Variants in C12orf42 observed in about 807,000 individuals in gnomAD.
The protein encoded by C12orf42 is chromosome 12 open reading frame 42.
A neutral mutation model predicts 21.6 loss-of-function variants in C12orf42; 25 were observed. The ratio of observed to expected loss-of-function variants is 1.16; its 90% CI spans 0.84 to 1.62. C12orf42 has a LOEUF of 1.62. C12orf42 is among the 40% of genes most tolerant of loss of function. C12orf42 has a pLI of 0.00. For missense variants in C12orf42, 483 were observed against 459.3 expected (o/e 1.05, Z -0.47); for synonymous variants, 174 against 175.0 (o/e 0.99, Z 0.05).
chr12:103,332,820 C>T (rs961378072), intron 4 of C12orf42, among the ~76,000 whole-genome samples: 1 of 152,200 alleles, frequency 6.6e-6, no homozygotes, highest in African/African-American at 2.4e-5. Flanking sequence ...TCCAGTCCAC[C>T]AATGTCCTGC....
the C12orf42 span, among the ~76,000 whole-genome samples, chr12:103,211,726 T>C: frequency 6.6e-6 from 1 of 152,108 alleles, no homozygotes; most frequent in Non-Finnish European, 1.5e-5. Flanking sequence ...GCTAAATCAT[T>C]CCTAGATTCC....
At chr12:103,225,658 G>C in the C12orf42 span, among the ~76,000 whole-genome samples, 1 of 152,106 alleles carries the variant, frequency 6.6e-6, no homozygotes, top group Non-Finnish European at 1.5e-5. Context: ...GCCTAATAAG[G>C]GAACTGGGCA....
the C12orf42 span, among the ~76,000 whole-genome samples, chr12:103,217,077 A>C: frequency 6.6e-6 from 1 of 151,822 alleles, no homozygotes; most frequent in Admixed American, 6.6e-5. Flanking sequence ...TGCTGACCTC[A>C]AGTGATCTCC....
the C12orf42 span, among the ~76,000 whole-genome samples, chr12:103,134,577 A>G: frequency 6.6e-6 from 1 of 152,020 alleles, no homozygotes; most frequent in Non-Finnish European, 1.5e-5. Context: ...AAATAAAGAA[A>G]AAAGAATTAA....
At chr12:103,166,397 G>A in the C12orf42 span, among the ~76,000 whole-genome samples, 1 of 152,170 alleles carries the variant, frequency 6.6e-6, no homozygotes, top group African/African-American at 2.4e-5. Flanking sequence ...TCTCAAGAAT[G>A]AGACACTCTA....
intron 2 of C12orf42, among the ~76,000 whole-genome samples, chr12:103,474,452 GTA>G (rs771163443): frequency 1.5e-5 from 2 of 130,908 alleles, no homozygotes; most frequent in African/African-American, 3.2e-5. Flanking sequence ...ATGTATGTAT[GTA>G]TGTGTGTGTG....
the C12orf42 span, among the ~76,000 whole-genome samples, chr12:103,111,220 A>G: frequency 6.6e-6 from 1 of 152,150 alleles, no homozygotes; most frequent in Admixed American, 6.5e-5. Context: ...AAAAAAAAAC[A>G]CTTGTTCTCT....
chr12:103,358,927 A>C (rs975754846), intron 4 of C12orf42, among the ~76,000 whole-genome samples: 4 of 152,084 alleles, frequency 2.6e-5, no homozygotes, highest in African/African-American at 9.7e-5. Context: ...TCTCCCACTG[A>C]GCCCAGAATA....
the C12orf42 span, among the ~76,000 whole-genome samples, chr12:103,116,130 G>A: frequency 6.6e-6 from 1 of 152,178 alleles, no homozygotes; most frequent in Non-Finnish European, 1.5e-5. Context: ...GGGAGGCCAA[G>A]GCGGGCAGAT....
At chr12:103,159,208 T>C in the C12orf42 span, among the ~76,000 whole-genome samples, 2,074 of 152,314 alleles carry the variant, frequency 0.014, 20 homozygotes, top group Middle Eastern at 0.031. Context: ...ACTGATAGAA[T>C]TGCATTATAG....
intron 2 of C12orf42, among the ~76,000 whole-genome samples, chr12:103,462,917 T>C (rs1225366686): frequency 1.3e-5 from 2 of 152,212 alleles, no homozygotes; most frequent in African/African-American, 4.8e-5. Context: ...CTAAGAGCTG[T>C]GCTTTTGGAA....
chr12:103,394,026 T>G (rs1271396395), intron 3 of C12orf42, among the ~76,000 whole-genome samples: 2 of 152,226 alleles, frequency 1.3e-5, no homozygotes, highest in African/African-American at 4.8e-5. Flanking sequence ...TTAGTAGTTT[T>G]GCCAAAATGA....
chr12:103,244,836 C>T (rs1248720596), intron 10 of C12orf42, among the ~76,000 whole-genome samples: 1 of 152,012 alleles, frequency 6.6e-6, no homozygotes, highest in Admixed American at 6.6e-5. Context: ...CATGGACACA[C>T]CATGTTTAAA....
chr12:103,338,461 C>T (rs1406204766), intron 4 of C12orf42, among the ~76,000 whole-genome samples: 1 of 152,226 alleles, frequency 6.6e-6, no homozygotes, highest in Non-Finnish European at 1.5e-5. Flanking sequence ...CCTGGGAAAG[C>T]TTGGAGCAGT....
chr12:103,503,835 C>G, the C12orf42 span: 104 of 153,314 alleles, frequency 6.8e-4, 2 homozygotes, highest in South Asian at 0.018. Context: ...CTAGGCCCCA[C>G]CATCAAAGGA....
intron 2 of C12orf42, among the ~76,000 whole-genome samples, chr12:103,456,713 T>G (rs1464989771): frequency 1.3e-5 from 2 of 152,170 alleles, no homozygotes; most frequent in African/African-American, 4.8e-5. Context: ...AATCAACTAT[T>G]GCTTAAAGGT....
chr12:103,248,309 C>T (rs1377345914), intron 10 of C12orf42, among the ~76,000 whole-genome samples: 1 of 151,998 alleles, frequency 6.6e-6, no homozygotes, highest in Non-Finnish European at 1.5e-5. Context: ...TGGAAATCAA[C>T]ATGATTATGT....
chr12:103,222,412 C>A, the C12orf42 span, among the ~76,000 whole-genome samples: 1 of 152,078 alleles, frequency 6.6e-6, no homozygotes, highest in Non-Finnish European at 1.5e-5. Flanking sequence ...CAAGGACCGG[C>A]CATTTACACT....
intron 2 of C12orf42, among the ~76,000 whole-genome samples, chr12:103,436,226 T>G (rs1950696619): frequency 6.7e-6 from 1 of 150,138 alleles, no homozygotes; most frequent in African/African-American, 2.4e-5. Context: ...CCACCAGGCC[T>G]GCCCTAAAAG....
Sources: gnomAD v4.1 joint callset for allele counts (sites outside exome capture counted in the v4.1 genomes callset) on GRCh38, gnomAD v4.1.1 for gene constraint, MANE v1.5 for transcripts, NCBI Gene and HGNC (gene_info 2026-07-23, HGNC 2026-07-21) for gene names.